The following NUMB variants were observed in gnomAD, a reference collection of about 807,000 sequenced individuals.
The protein encoded by NUMB is NUMB endocytic adaptor protein.
A neutral mutation model predicts 59.7 loss-of-function variants in NUMB; 29 were observed. The observed-to-expected ratio is 0.49, with a 90% CI of 0.36 to 0.66. NUMB has a LOEUF of 0.66. NUMB is among the 30% of genes least tolerant of loss of function. The pLI is 0.00. For synonymous variants in NUMB, 288 were observed against 288.2 expected (o/e 1.00, Z 0.01); for missense variants, 723 against 822.0 (o/e 0.88, Z 1.47).
At chr14:73,412,571 A>G (rs8015382) in intron 1 of NUMB, among the ~76,000 whole-genome samples, 121,354 of 150,044 alleles carry the variant, frequency 0.81, 49,793 homozygotes, top group African/African-American at 0.95. Context: ...AGGTTGCAGT[A>G]AGCCGAGATT....
At chr14:73,456,571 C>T (rs1884390664) in intron 1 of NUMB, among the ~76,000 whole-genome samples, 1 of 152,208 alleles carries the variant, frequency 6.6e-6, no homozygotes. Context: ...TTCTGTTCTA[C>T]ATTTTATTTT....
At chr14:73,441,961 G>A (rs1190148745) in intron 1 of NUMB, among the ~76,000 whole-genome samples, 2 of 151,972 alleles carry the variant, frequency 1.3e-5, no homozygotes, top group African/African-American at 4.8e-5. Flanking sequence ...TCTCACTGCT[G>A]GTGAGAATGT....
chr14:73,401,489 G>C (rs537386849), intron 2 of NUMB, among the ~76,000 whole-genome samples: 326 of 151,510 alleles, frequency 2.2e-3, no homozygotes, highest in African/African-American at 7.4e-3. Flanking sequence ...TACAGATCTG[G>C]AAGGTTCATG....
intron 12 of NUMB, among the ~76,000 whole-genome samples, chr14:73,278,058 A>AAAAAAAAAAAC (rs1888317035): frequency 6.6e-6 from 1 of 150,572 alleles, no homozygotes. Context: ...AAAAAAAAAA[A>AAAAAAAAAAAC]AAAAAAAAAA....
At chr14:73,376,142 A>T (rs544441666) in intron 2 of NUMB, among the ~76,000 whole-genome samples, 2 of 152,348 alleles carry the variant, frequency 1.3e-5, no homozygotes, top group South Asian at 4.1e-4. Context: ...AAGACTTCCC[A>T]TGTAGAAAAC....
intron 6 of NUMB, among the ~76,000 whole-genome samples, chr14:73,308,422 G>T (rs1007051647): frequency 6.6e-6 from 1 of 152,134 alleles, no homozygotes; most frequent in Admixed American, 6.5e-5. Context: ...AGCAGATATC[G>T]AAGAGAAAAA....
At chr14:73,279,023 C>T (rs1475616866) in intron 12 of NUMB, among the ~76,000 whole-genome samples, 2 of 152,128 alleles carry the variant, frequency 1.3e-5, no homozygotes, top group Admixed American at 6.5e-5. Flanking sequence ...CACACCCAGC[C>T]GGAATCTGTA....
At chr14:73,334,482 C>T (rs1031212408) in intron 4 of NUMB, among the ~76,000 whole-genome samples, 5 of 152,068 alleles carry the variant, frequency 3.3e-5, no homozygotes, top group African/African-American at 1.2e-4. Flanking sequence ...ACAGAACTGA[C>T]CTATGAAACC....
chr14:73,320,083 G>A (rs1216315379), intron 5 of NUMB, among the ~76,000 whole-genome samples: 1 of 152,090 alleles, frequency 6.6e-6, no homozygotes, highest in African/African-American at 2.4e-5. Flanking sequence ...AGTGAGCCAA[G>A]ATCACACCAC....
At chr14:73,286,438 C>T (rs2139815174) in intron 9 of NUMB, 1 of 152,282 alleles carries the variant, frequency 6.6e-6, no homozygotes, top group East Asian at 1.9e-4. Flanking sequence ...TATTTTCAAG[C>T]CCTATCATTT....
At chr14:73,418,970 T>A (rs942183205) in intron 1 of NUMB, among the ~76,000 whole-genome samples, 1 of 152,190 alleles carries the variant, frequency 6.6e-6, no homozygotes, top group Non-Finnish European at 1.5e-5. Context: ...GAGTCACCCT[T>A]ATAGTTCAAA....
At position 73,446,453 on chromosome 14, in the gene NUMB, A is replaced by G. The variant is rs557878406; in HGVS notation, c.-233+12040T>C. On this transcript the variant is annotated intron_variant, in intron 1 of 12. Transcript: ENST00000555238. ...AAACCCCGTCTCTACTAAAAAATAC[A>G]AAAATTAGCCAGGCGTGGTGGCACA... 5.3e-5 allele frequency among the ~76,000 whole-genome samples: 8 copies of G among 152,240 alleles called. No individual in the cohort carries two copies. The South Asian group carries it at 1.4e-3, about 28-fold the overall frequency.
intron 8 of NUMB, among the ~76,000 whole-genome samples, chr14:73,289,031 A>G (rs947443076): frequency 2.0e-5 from 3 of 151,610 alleles, no homozygotes; most frequent in Non-Finnish European, 3.0e-5. Context: ...GTCTCAAAAA[A>G]CAAACAAACA....
At chr14:73,419,871 C>T (rs1252190775) in intron 1 of NUMB, among the ~76,000 whole-genome samples, 3 of 152,094 alleles carry the variant, frequency 2.0e-5, no homozygotes, top group Non-Finnish European at 4.4e-5. Flanking sequence ...CAAGCTGAAA[C>T]TTAATTTTTT....
At chr14:73,409,157 G>A (rs531274962) in intron 2 of NUMB, 9 of 152,260 alleles carry the variant, frequency 5.9e-5, no homozygotes, top group African/African-American at 2.2e-4. Flanking sequence ...CTTACAATAT[G>A]ATGTTGATCC....
Position 73,350,237 on chromosome 14 carries a change from G to A in NUMB, c.126+5389C>T, listed in dbSNP as rs1193735864. Among the ~76,000 whole-genome samples the A allele has an allele frequency of 1.2e-4, 18 of 146,078 alleles. No homozygotes were observed. In the Admixed American group the frequency reaches 1.2e-3, roughly 10 times the overall value. On this transcript the variant is annotated intron_variant, in intron 4 of 12. Transcript: ENST00000555238. Reference sequence around the variant, plus strand: ...CACCCAGGCTGGGGTGCAGTGGCGTGATCTCAGCTCACTGCAACCTCTGCC... The same window carrying A: ...CACCCAGGCTGGGGTGCAGTGGCGTAATCTCAGCTCACTGCAACCTCTGCC...
chr14:73,352,659 C>T (rs377319363), intron 4 of NUMB, among the ~76,000 whole-genome samples: 7 of 146,340 alleles, frequency 4.8e-5, no homozygotes, highest in African/African-American at 9.9e-5. Context: ...CTCAGCCTCC[C>T]GAGTAGCTGG....
chr14:73,324,107 AG>A (rs1441610860), intron 4 of NUMB, among the ~76,000 whole-genome samples: 3 of 152,206 alleles, frequency 2.0e-5, no homozygotes, highest in Non-Finnish European at 4.4e-5. Context: ...CAACTGGGGT[AG>A]ATTAACTGTA....
chr14:73,361,635 C>T (rs1894101185), intron 3 of NUMB, among the ~76,000 whole-genome samples: 1 of 152,032 alleles, frequency 6.6e-6, no homozygotes, highest in African/African-American at 2.4e-5. Flanking sequence ...TCAAGTAGAC[C>T]CCTGTGTCTG....
Sources: allele counts gnomAD v4.1 joint callset (sites outside exome capture counted in the v4.1 genomes callset), GRCh38; gene constraint gnomAD v4.1.1; transcripts MANE v1.5; gene names NCBI Gene and HGNC (gene_info 2026-07-23, HGNC 2026-07-21).